The following NALCN variants were observed in gnomAD, a reference collection of about 807,000 sequenced individuals.
The protein encoded by NALCN is sodium leak channel, non-selective.
A neutral mutation model predicts 225.3 loss-of-function variants in NALCN; 111 were observed. The observed-to-expected ratio is 0.49, with a 90% CI of 0.42 to 0.58. NALCN has a LOEUF of 0.58. NALCN is among the 20% of genes least tolerant of loss of function. NALCN has a pLI of 0.00. For synonymous variants in NALCN, 764 were observed against 769.0 expected, an observed-to-expected ratio of 0.99 and a Z score of 0.11; for missense variants, 1,378 against 2,202.4, an observed-to-expected ratio of 0.63 and a Z score of 7.49.
chr13:101,159,823 G>A (rs2038074755), intron 15 of NALCN, among the ~76,000 whole-genome samples: 1 of 152,106 alleles, frequency 6.6e-6, no homozygotes, highest in African/African-American at 2.4e-5. Context: ...AAGAAAAGAG[G>A]GCACACCGGA....
chr13:101,220,581 G>T (rs920595063), intron 13 of NALCN, among the ~76,000 whole-genome samples: 3 of 152,100 alleles, frequency 2.0e-5, no homozygotes, highest in African/African-American at 7.2e-5. Context: ...CACTTCACAC[G>T]TTCAGGCTGT....
intron 13 of NALCN, among the ~76,000 whole-genome samples, chr13:101,226,574 T>C (rs1290122534): frequency 6.6e-6 from 1 of 152,184 alleles, no homozygotes; most frequent in African/African-American, 2.4e-5. Context: ...GTGGGCCTAA[T>C]GATGTGGCTA....
At chr13:101,407,696 C>G (rs943711295) in intron 1 of NALCN, among the ~76,000 whole-genome samples, 2 of 152,092 alleles carry the variant, frequency 1.3e-5, no homozygotes, top group Non-Finnish European at 2.9e-5. Flanking sequence ...GAATTGGAAG[C>G]AAGTTTAGAA....
At chr13:101,109,631 C>T (rs1466322178) in intron 20 of NALCN, among the ~76,000 whole-genome samples, 1 of 152,208 alleles carries the variant, frequency 6.6e-6, no homozygotes, top group Non-Finnish European at 1.5e-5. Context: ...GCCAGTTCAT[C>T]CAGATTCAAC....
At chr13:101,206,302 G>C (rs938711517) in intron 13 of NALCN, among the ~76,000 whole-genome samples, 2 of 151,934 alleles carry the variant, frequency 1.3e-5, no homozygotes, top group Non-Finnish European at 2.9e-5. Flanking sequence ...CAAATAAAGA[G>C]CTTTATCAAA....
chr13:101,093,453 G>A (rs575597699), intron 28 of NALCN, among the ~76,000 whole-genome samples: 316 of 152,248 alleles, frequency 2.1e-3, no homozygotes, highest in Middle Eastern at 6.8e-3. Flanking sequence ...TTATTAGATC[G>A]AAGGTGTCTA....
intron 14 of NALCN, among the ~76,000 whole-genome samples, chr13:101,177,047 G>T (rs1319179325): frequency 1.3e-5 from 2 of 152,188 alleles, no homozygotes; most frequent in Non-Finnish European, 2.9e-5. Flanking sequence ...TGTGGAAGCA[G>T]GTGCTATGTT....
chr13:101,346,085 C>CTATATATATATATA (rs1164298684), intron 6 of NALCN, among the ~76,000 whole-genome samples: 3 of 80,382 alleles, frequency 3.7e-5, no homozygotes, highest in Non-Finnish European at 5.1e-5. Context: ...CTCTCTCTCT[C>CTATATATATATATA]TCTATATATA....
At chr13:101,076,871 T>G (rs2033290121) in intron 34 of NALCN, among the ~76,000 whole-genome samples, 1 of 152,182 alleles carries the variant, frequency 6.6e-6, no homozygotes, top group Admixed American at 6.5e-5. Flanking sequence ...GACTTTTGCT[T>G]GGACTCAGTA....
chr13:101,231,607 A>G (rs898227322), intron 12 of NALCN, among the ~76,000 whole-genome samples: 4 of 152,208 alleles, frequency 2.6e-5, no homozygotes, highest in African/African-American at 9.6e-5. Flanking sequence ...AGATATTAAC[A>G]TAGGAAAATT....
At chr13:101,191,106 T>C (rs17678518) in intron 14 of NALCN, among the ~76,000 whole-genome samples, 40,620 of 152,066 alleles carry the variant, frequency 0.27, 5,848 homozygotes, top group African/African-American at 0.37. Context: ...CCAAAAACAA[T>C]AGTAGCAGTT....
intron 6 of NALCN, among the ~76,000 whole-genome samples, chr13:101,355,548 A>T (rs1219844620): frequency 6.6e-6 from 1 of 152,104 alleles, no homozygotes. Context: ...GATTCATAAA[A>T]CAAGTTCTTA....
At chr13:101,103,421 C>G in intron 25 of NALCN, 82 bp from the exon 26 acceptor site, 2 of 1,473,238 alleles carry the variant, frequency 1.4e-6, no homozygotes, top group South Asian at 1.4e-5. Context: ...CTGGCCACAA[C>G]TTTTCATTTA....
intron 7 of NALCN, among the ~76,000 whole-genome samples, chr13:101,323,451 T>C (rs1455909607): frequency 6.6e-6 from 1 of 152,234 alleles, no homozygotes; most frequent in Non-Finnish European, 1.5e-5. Context: ...ATTCAGCATA[T>C]GTACAATATG....
chr13:101,332,699 A>G (rs934878779), intron 7 of NALCN, among the ~76,000 whole-genome samples: 2 of 152,244 alleles, frequency 1.3e-5, no homozygotes, highest in Admixed American at 6.5e-5. Context: ...GTAATTCTCT[A>G]AAGATTATTT....
In NALCN at chr13:101,058,066, A is replaced by C. The variant is rs376470327; in HGVS notation, c.4906-10T>G. 2.1e-5 allele frequency: 34 copies of C among 1,608,220 alleles called. No individual in the cohort carries two copies. The African/African-American group carries it at 4.5e-4, about 21-fold the overall frequency. ...GCTGCTGGCTGCTTGTCTGCATGGG[A>C]GGAGAAGCACACAGTTACCGTCTTT... is the stretch of plus-strand genomic sequence containing the variant. On this transcript the variant is annotated splice_polypyrimidine_tract_variant and intron_variant, in intron 42 of 43. Coordinates refer to ENST00000251127, the MANE Select transcript of NALCN (RefSeq NM_052867.4).
intron 13 of NALCN, among the ~76,000 whole-genome samples, chr13:101,207,804 T>C (rs1273410767): frequency 6.6e-6 from 1 of 152,226 alleles, no homozygotes; most frequent in South Asian, 2.1e-4. Flanking sequence ...AGCAACCTGC[T>C]TGGGTCCCCT....
At chr13:101,400,500 A>G (rs201272516) in intron 1 of NALCN, among the ~76,000 whole-genome samples, 1 of 151,180 alleles carries the variant, frequency 6.6e-6, no homozygotes, top group East Asian at 2.0e-4. Flanking sequence ...ACCAAGCACA[A>G]TGGGTGCCAC....
At position 101,345,737 on chromosome 13, in the gene NALCN, A is replaced by AATATATATATATATATATATATAT. The variant is rs10560892; in HGVS notation, c.645-341_645-318dup. Among the ~76,000 whole-genome samples the AATATATATATATATATATATATAT allele has an allele frequency of 1.5e-3, 134 of 86,628 alleles. 2 individuals are homozygous for AATATATATATATATATATATATAT. Among genetic ancestry groups the AATATATATATATATATATATATAT allele is most frequent in the East Asian group, 3.5e-3 (7 of 2,008 alleles). The allele number at this position is 86,628 out of a possible 152,430, so 56.8% of individuals were successfully genotyped here. On this transcript the variant is annotated intron_variant, in intron 6 of 43. Transcript: ENST00000251127. The stretch of plus-strand genomic sequence containing the variant: ...ATCTATCTAAGAGTACAGCAAAGAG[A>AATATATATATATATATATATATAT]ATATATATATATATATATATATATA...
Sources: allele counts gnomAD v4.1 joint callset (sites outside exome capture counted in the v4.1 genomes callset), GRCh38; gene constraint gnomAD v4.1.1; transcripts MANE v1.5; gene names NCBI Gene and HGNC (gene_info 2026-07-23, HGNC 2026-07-21).